Variants in SEL1L2 observed in about 807,000 individuals in gnomAD.
SEL1L2 encodes the protein protein sel-1 homolog 2.
A neutral mutation model predicts 98.8 loss-of-function variants in SEL1L2; 89 were observed. That is an observed-to-expected ratio of 0.90 (90% confidence interval 0.76 to 1.07). SEL1L2 has a LOEUF of 1.07. SEL1L2 is among the 50% of genes least tolerant of loss of function. SEL1L2 has a pLI of 0.00. For synonymous variants in SEL1L2, 262 were observed against 278.5 expected (o/e 0.94, Z 0.59); for missense variants, 788 against 812.0 (o/e 0.97, Z 0.36).
At chr20:13,968,087 G>A (rs560658645) in intron 1 of SEL1L2, among the ~76,000 whole-genome samples, 9 of 152,280 alleles carry the variant, frequency 5.9e-5, no homozygotes, top group Admixed American at 2.6e-4. Flanking sequence ...AAGATATTTC[G>A]TAGTCTTTTA....
At chr20:13,984,844 C>T (rs191472227) in intron 1 of SEL1L2, among the ~76,000 whole-genome samples, 99 of 151,934 alleles carry the variant, frequency 6.5e-4, no homozygotes, top group Admixed American at 9.8e-4. Flanking sequence ...TGTACATATA[C>T]GGAGCACAGT....
intron 13 of SEL1L2, among the ~76,000 whole-genome samples, chr20:13,869,883 C>T (rs2046101666): frequency 6.6e-6 from 1 of 151,998 alleles, no homozygotes; most frequent in South Asian, 2.1e-4. Context: ...CAATAAAGTC[C>T]TCAGAGGATA....
Position 13,865,417 on chromosome 20 carries a change from T to C in SEL1L2, c.1502A>G (p.Gln501Arg), listed in dbSNP as rs769205918. 3.7e-6 allele frequency: 6 copies of C among 1,614,140 alleles called. No homozygotes were observed. The South Asian group carries it at 6.6e-5, about 18-fold the overall frequency. The part of the protein sequence containing the change: ...KDGDIDSSLV[Q>R]YALLAEMGYE... ...CCCCATTTCTGCAAGCAGTGCATAC[T>C]GAACAAGAGAAGAATCTATATCACC... Residue 501 changes from glutamine (Q) to arginine (R), a missense_variant, in exon 16 of 20, where the codon CAG (glutamine) becomes CGG (arginine). By Grantham distance (43) the Gln-to-Arg change is conservative (BLOSUM62 1). Transcript: ENST00000284951.
chr20:13,958,310 G>A (rs2050632637), intron 1 of SEL1L2, among the ~76,000 whole-genome samples: 1 of 152,006 alleles, frequency 6.6e-6, no homozygotes, highest in South Asian at 2.1e-4. Context: ...AAGATGCCTT[G>A]AGGATATTAC....
chr20:13,982,094 C>A lies in SEL1L2; in HGVS notation c.58+8383G>T, dbSNP rs188017642. ...ACTGTGAGATTGATGAGCTATGTGCCCTTTTCAACTGGGATAGAGAGCTGC... is the reference window on the plus strand; with the variant it reads ...ACTGTGAGATTGATGAGCTATGTGCACTTTTCAACTGGGATAGAGAGCTGC... On this transcript the variant is annotated intron_variant, in intron 1 of 19. Coordinates refer to ENST00000284951, the MANE Select transcript of SEL1L2 (RefSeq NM_025229.2). Among the ~76,000 whole-genome samples the A allele has an allele frequency of 2.6e-5, 4 of 152,242 alleles. No homozygotes were observed. In the East Asian group the frequency reaches 7.7e-4, roughly 29 times the overall value.
intron 5 of SEL1L2, among the ~76,000 whole-genome samples, chr20:13,902,616 TCAGGTATGATA>T (rs1214370706): frequency 5.3e-5 from 8 of 152,310 alleles, no homozygotes; most frequent in Admixed American, 3.3e-4. Flanking sequence ...ATCCTTCCTA[TCAGGTATGATA>T]AGATGTTTTA....
At chr20:13,850,343 C>T (rs1988033192) in intron 18 of SEL1L2, 24 bp from the exon 19 acceptor site, 2 of 1,613,332 alleles carry the variant, frequency 1.2e-6, no homozygotes, top group Non-Finnish European at 1.7e-6. Flanking sequence ...AATAGCCCTA[C>T]CCATCAGATT....
At chr20:13,908,103 CTTTTTTTTTTTTTTTTTTTT>C (rs71188195) in intron 5 of SEL1L2, among the ~76,000 whole-genome samples, 1 of 26,724 alleles carries the variant, frequency 3.7e-5, no homozygotes, top group African/African-American at 1.6e-4. Context: ...TTTCTTGGTT[CTTTTTTTTTTTTTTTTTTTT>C]TTTTTTTTTT....
intron 2 of SEL1L2, among the ~76,000 whole-genome samples, chr20:13,947,187 C>T (rs1308830961): frequency 3.3e-5 from 5 of 151,918 alleles, no homozygotes; most frequent in Non-Finnish European, 5.9e-5. Context: ...TTTTTTAGGC[C>T]GACCCATGGC....
chr20:13,892,114 T>C (rs1183157630), intron 5 of SEL1L2, among the ~76,000 whole-genome samples: 2 of 152,140 alleles, frequency 1.3e-5, no homozygotes, highest in African/African-American at 4.8e-5. Context: ...TGAGATTTTG[T>C]GTGTGATTGA....
rs2048298476 is a variant in SEL1L2, at chr20:13,913,830, G to T, written c.501C>A (p.Ile167=). The change falls in exon 5 of 20, where the codon ATC becomes ATA. Residue 167 remains isoleucine (I), a synonymous_variant. Transcript: ENST00000284951. ...NFGVQNITAA[I]QLYESLAKEG... is the part of the protein sequence containing the mutation. ...CTTTAGCCAAGGACTCATATAATTGGATAGCTGCTGTTATATTTTGCACGC... is the reference window on the plus strand; with the variant it reads ...CTTTAGCCAAGGACTCATATAATTGTATAGCTGCTGTTATATTTTGCACGC... The T allele has an allele frequency of 1.3e-6, 2 of 1,555,522 alleles. No individual in the cohort carries two copies. The highest frequency in any genetic ancestry group is 2.4e-5 in the East Asian group (1 of 40,928).
intron 2 of SEL1L2, among the ~76,000 whole-genome samples, chr20:13,947,768 T>C (rs2050085918): frequency 6.6e-6 from 1 of 152,198 alleles, no homozygotes; most frequent in African/African-American, 2.4e-5. Context: ...TGTATTCCCT[T>C]CATCCAGACG....
chr20:13,907,067 T>C (rs898977955), intron 5 of SEL1L2, among the ~76,000 whole-genome samples: 25 of 152,316 alleles, frequency 1.6e-4, no homozygotes, highest in African/African-American at 5.5e-4. Context: ...CATGATAAAA[T>C]AGGGAAACAC....
intron 5 of SEL1L2, among the ~76,000 whole-genome samples, chr20:13,907,836 C>T (rs1231521324): frequency 1.3e-5 from 2 of 151,232 alleles, no homozygotes; most frequent in African/African-American, 4.9e-5. Context: ...GACATGATCA[C>T]AGCTCACTGC....
At chr20:13,983,521 T>G (rs958719624) in intron 1 of SEL1L2, among the ~76,000 whole-genome samples, 2 of 152,044 alleles carry the variant, frequency 1.3e-5, no homozygotes, top group Admixed American at 1.3e-4. Context: ...GTTTTGTTTT[T>G]GTTTTTGTTT....
At chr20:13,849,931 C>T (rs2147677611) in intron 19 of SEL1L2, 2 of 552,412 alleles carry the variant, frequency 3.6e-6, no homozygotes, top group Non-Finnish European at 6.5e-6. Flanking sequence ...GCACATGTCA[C>T]TGTGCTTAAG....
intron 3 of SEL1L2, among the ~76,000 whole-genome samples, chr20:13,921,495 A>G (rs556249075): frequency 6.6e-6 from 1 of 152,186 alleles, no homozygotes; most frequent in South Asian, 2.1e-4. Context: ...ATACTAAAAT[A>G]CTATGATATT....
intron 1 of SEL1L2, among the ~76,000 whole-genome samples, chr20:13,978,934 C>G (rs1242314899): frequency 6.6e-6 from 1 of 152,080 alleles, no homozygotes; most frequent in African/African-American, 2.4e-5. Flanking sequence ...TCGTGCACGC[C>G]TGTAATTTCC....
At chr20:13,859,484 A>G (rs2147766568) in intron 17 of SEL1L2, 50 bp from the exon 18 acceptor site, 1 of 1,482,232 alleles carries the variant, frequency 6.7e-7, no homozygotes, top group Middle Eastern at 1.9e-4. Context: ...TGATTCATGT[A>G]TAGTTCTCAG....
Sources: gnomAD v4.1 joint callset for allele counts (sites outside exome capture counted in the v4.1 genomes callset) on GRCh38, gnomAD v4.1.1 for gene constraint, MANE v1.5 for transcripts, NCBI Gene and HGNC (gene_info 2026-07-23, HGNC 2026-07-21) for gene names.